The following VEGFC variants were observed in gnomAD, a reference collection of about 807,000 sequenced individuals.
The protein encoded by VEGFC is FLT4 ligand DHM.
In VEGFC, 12 loss-of-function variants were observed where a neutral mutation model predicts 46.1. The ratio of observed to expected loss-of-function variants is 0.26; its 90% confidence interval spans 0.17 to 0.42. VEGFC has a LOEUF of 0.42. VEGFC is among the 10% of genes least tolerant of loss of function. VEGFC has a pLI of 1.00. For synonymous variants in VEGFC, 232 were observed against 195.5 expected (o/e 1.19, Z -1.56); for missense variants, 488 against 529.4 (o/e 0.92, Z 0.77).
chr4:176,749,446 AT>A (rs1735306384), intron 1 of VEGFC, among the ~76,000 whole-genome samples: 2 of 151,818 alleles, frequency 1.3e-5, no homozygotes, highest in Non-Finnish European at 2.9e-5. Flanking sequence ...AATTTTGTGT[AT>A]TTTTTAGCAC....
chr4:176,782,422 C>T lies in VEGFC; in HGVS notation c.147+9743G>A, dbSNP rs576751337. Among the ~76,000 whole-genome samples the T allele has an allele frequency of 2.6e-5, 4 of 151,434 alleles. No individual in the cohort carries two copies. The East Asian group carries it at 5.9e-4, about 22-fold the overall frequency. ...GAGGCTGCAACGAGCCACGTTCATG[C>T]CACTGCACTGCAGCCTGGGAAATAG... On this transcript the variant is annotated intron_variant, in intron 1 of 6. Transcript: ENST00000618562.
At chr4:176,695,678 A>G (rs532118665) in intron 4 of VEGFC, among the ~76,000 whole-genome samples, 1 of 152,286 alleles carries the variant, frequency 6.6e-6, no homozygotes, top group African/African-American at 2.4e-5. Flanking sequence ...CACAACAAAA[A>G]AAGAGAATTT....
intron 1 of VEGFC, among the ~76,000 whole-genome samples, chr4:176,785,810 C>T (rs115249200): frequency 4.6e-5 from 7 of 152,262 alleles, no homozygotes; most frequent in East Asian, 1.9e-4. Context: ...AACTATTAAG[C>T]GGTGTATGCA....
At chr4:176,729,929 C>A (rs1734933986) in intron 1 of VEGFC, among the ~76,000 whole-genome samples, 183 bp from the exon 2 acceptor site, 1 of 151,862 alleles carries the variant, frequency 6.6e-6, no homozygotes, top group Admixed American at 6.6e-5. Flanking sequence ...TTTGTATGAA[C>A]CAAAACAATT....
chr4:176,739,049 TAA>T (rs1207776414), intron 1 of VEGFC, among the ~76,000 whole-genome samples: 1 of 151,230 alleles, frequency 6.6e-6, no homozygotes, highest in African/African-American at 2.4e-5. Flanking sequence ...ACATATGAAA[TAA>T]AAGCTCAATA....
chr4:176,736,000 C>T (rs1397779540), intron 1 of VEGFC, among the ~76,000 whole-genome samples: 1 of 151,788 alleles, frequency 6.6e-6, no homozygotes, highest in Non-Finnish European at 1.5e-5. Context: ...CCTGTTCATT[C>T]AAAAGCAAAT....
intron 3 of VEGFC, among the ~76,000 whole-genome samples, chr4:176,726,306 A>G (rs186130893): frequency 6.0e-4 from 92 of 152,232 alleles, no homozygotes; most frequent in Admixed American, 1.3e-3. Flanking sequence ...CGACCCCTAC[A>G]TTATTTTGCT....
chr4:176,787,872 T>C (rs1279523380), intron 1 of VEGFC, among the ~76,000 whole-genome samples: 1 of 152,224 alleles, frequency 6.6e-6, no homozygotes, highest in Non-Finnish European at 1.5e-5. Context: ...GCTATATCTG[T>C]TTTTTCTAAT....
chr4:176,721,665 G>A (rs980521833), intron 3 of VEGFC, among the ~76,000 whole-genome samples: 9 of 152,172 alleles, frequency 5.9e-5, no homozygotes, highest in African/African-American at 1.9e-4. Context: ...TGACCGACTG[G>A]CTGAATGATG....
chr4:176,730,845 A>G (rs560781506), intron 1 of VEGFC, among the ~76,000 whole-genome samples: 1 of 152,248 alleles, frequency 6.6e-6, no homozygotes, highest in East Asian at 1.9e-4. Context: ...AAGTTATTCT[A>G]TGTAAGTGAT....
chr4:176,715,670 C>G (rs1734688062), intron 3 of VEGFC, among the ~76,000 whole-genome samples: 1 of 152,074 alleles, frequency 6.6e-6, no homozygotes, highest in African/African-American at 2.4e-5. Context: ...TTACAGACCA[C>G]TTTGTGAATT....
chr4:176,762,743 G>T (rs1481351995), intron 1 of VEGFC, among the ~76,000 whole-genome samples: 1 of 152,064 alleles, frequency 6.6e-6, no homozygotes, highest in Non-Finnish European at 1.5e-5. Context: ...TATTCCTAGG[G>T]GTGCAAAAAT....
At chr4:176,684,768 C>G (rs1282645251) in intron 6 of VEGFC, among the ~76,000 whole-genome samples, 4 of 152,204 alleles carry the variant, frequency 2.6e-5, no homozygotes, top group Non-Finnish European at 5.9e-5. Context: ...TTCTGTCGCC[C>G]AGGCTGGAGC....
chr4:176,688,602 CTTT>C (rs1734090323), intron 4 of VEGFC, among the ~76,000 whole-genome samples: 1 of 151,544 alleles, frequency 6.6e-6, no homozygotes, highest in Non-Finnish European at 1.5e-5. Flanking sequence ...TCCCTCCCTC[CTTT>C]CTTCCTTCCC....
intron 4 of VEGFC, among the ~76,000 whole-genome samples, chr4:176,706,506 AAT>A: frequency 6.6e-6 from 1 of 151,686 alleles, no homozygotes; most frequent in Non-Finnish European, 1.5e-5. Flanking sequence ...GGGCAACTGT[AAT>A]CACAGCTACT....
chr4:176,792,231 G>C lies in VEGFC; in HGVS notation c.81C>G (p.Ala27=), dbSNP rs758355170. The change falls in exon 1 of 7, where the codon GCC becomes GCG. Residue 27 remains alanine, a synonymous_variant. Transcript: ENST00000618562. The surrounding 1 kb of genome is among the most constrained non-coding windows in gnomAD (Gnocchi z 6.3). ...GTCCGGACTCGAAGGCGGCGGCGGC[G>C]GCGGGCGCCTCGCGAGGACCCGGGA... ...ALLPGPREAP[A]AAAAFESGLD... is the part of the protein sequence containing the mutation. 2 of 1,558,576 alleles carry C rather than the reference G, an allele frequency of 1.3e-6. No individual in the cohort carries two copies. The highest frequency in any genetic ancestry group is 1.7e-6 in the Non-Finnish European group (2 of 1,155,664).
chr4:176,720,347 C>A (rs1056048975), intron 3 of VEGFC, among the ~76,000 whole-genome samples: 2 of 152,126 alleles, frequency 1.3e-5, no homozygotes, highest in Non-Finnish European at 2.9e-5. Context: ...GTACATCAAA[C>A]CTTCTGGTAT....
intron 1 of VEGFC, among the ~76,000 whole-genome samples, chr4:176,763,287 T>TA (rs1243703906): frequency 2.0e-5 from 3 of 152,192 alleles, no homozygotes; most frequent in African/African-American, 4.8e-5. Flanking sequence ...CCATTTCTAT[T>TA]AATAATAAAT....
At chr4:176,768,511 T>TATATATATATATATATATATATAC (rs1324716329) in intron 1 of VEGFC, among the ~76,000 whole-genome samples, 1 of 145,682 alleles carries the variant, frequency 6.9e-6, no homozygotes, top group Non-Finnish European at 1.5e-5. Flanking sequence ...TATATATATA[T>TATATATATATATATATATATATAC]ATTTCAAATT....
Sources: allele counts gnomAD v4.1 joint callset (sites outside exome capture counted in the v4.1 genomes callset), GRCh38; gene constraint gnomAD v4.1.1; non-coding constraint Gnocchi (gnomAD v3.1); transcripts MANE v1.5; gene names NCBI Gene and HGNC (gene_info 2026-07-23, HGNC 2026-07-21).